POM121: variants seen among roughly 807,000 people sequenced by gnomAD.
POM121 encodes nuclear envelope pore membrane protein POM 121.
Under a neutral mutation model 81.3 loss-of-function variants are expected in POM121, and 32 were observed. The ratio of observed to expected loss-of-function variants is 0.39; its 90% CI spans 0.30 to 0.53. The LOEUF (loss-of-function observed/expected upper bound fraction) is 0.53. POM121 is among the 20% of genes least tolerant of loss of function. The probability of loss-of-function intolerance (pLI) is 0.66; values close to 1 mark genes in which losing one functional copy is unlikely to be tolerated. For synonymous variants in POM121, 514 were observed against 694.2 expected (o/e 0.74, Z 4.08); for missense variants, 1,138 against 1,614.6 (o/e 0.70, Z 5.06).
Position 72,948,295 on chromosome 7 carries a change from T to C in POM121, c.*2061T>C, listed in dbSNP as rs782361100. The C allele has an allele frequency of 3.9e-5, 61 of 1,569,182 alleles. No homozygotes were observed. Among genetic ancestry groups the C allele is most frequent in the Non-Finnish European group, 5.2e-5 (60 of 1,156,980 alleles). On this transcript the variant is annotated 3_prime_UTR_variant, in exon 13 of 13. Transcript: ENST00000434423. ...ATTAAGAATAAAAAACTGTGATCTA[T>C]CGTAGAGTACGTTCTGCATTTTATT... is the stretch of plus-strand genomic sequence containing the variant.
chr7:72,883,795 A>G (rs559164589), intron 1 of POM121, among the ~76,000 whole-genome samples: 2 of 152,212 alleles, frequency 1.3e-5, no homozygotes, highest in Non-Finnish European at 2.9e-5. Flanking sequence ...TGTGAAGTTA[A>G]GAACTATTGA....
chr7:72,933,961 ATCC>A (rs1252219879), intron 5 of POM121, among the ~76,000 whole-genome samples: 2 of 152,198 alleles, frequency 1.3e-5, no homozygotes, highest in Non-Finnish European at 2.9e-5. Context: ...ACTGTATAGT[ATCC>A]TCTATTATTC....
At chr7:72,886,552 A>G (rs1790740325) in intron 1 of POM121, among the ~76,000 whole-genome samples, 2 of 152,184 alleles carry the variant, frequency 1.3e-5, no homozygotes, top group Non-Finnish European at 2.9e-5. Context: ...TCCTTTGTGT[A>G]AATCTAAATT....
At chr7:72,933,505 A>T (rs560220390) in intron 5 of POM121, among the ~76,000 whole-genome samples, 3 of 152,332 alleles carry the variant, frequency 2.0e-5, no homozygotes, top group Admixed American at 1.3e-4. Context: ...CTCATGTTCA[A>T]GAGTTTTTCC....
rs1463016265 is a variant in POM121 at position 72,947,842 on chromosome 7, T to C, written c.*1608T>C. 62 of 985,102 alleles carry C rather than the reference T, an allele frequency of 6.3e-5. 1 individual carries two copies. Among genetic ancestry groups the C allele is most frequent in the Non-Finnish European group, 6.8e-5 (56 of 828,962 alleles). The allele number at this position is 985,102 out of a possible 1,614,324, so 61.0% of individuals were successfully genotyped here. A position where few individuals can be genotyped will look rare whatever the true frequency, so the allele number is the denominator to read the frequency against. On this transcript the variant is annotated 3_prime_UTR_variant, in exon 13 of 13. Coordinates refer to ENST00000434423, the MANE Select transcript of POM121 (RefSeq NM_001387691.1). Reference sequence around the variant, plus strand: ...AATAATGTGATGTAAATGTAACTGGTGCCCCCTCCCCGATGTGACTGAGGG... The same window carrying C: ...AATAATGTGATGTAAATGTAACTGGCGCCCCCTCCCCGATGTGACTGAGGG...
At chr7:72,919,001 G>A (rs1273523599) in intron 4 of POM121, among the ~76,000 whole-genome samples, 2 of 152,156 alleles carry the variant, frequency 1.3e-5, no homozygotes, top group East Asian at 3.9e-4. Flanking sequence ...GGGTTTCACC[G>A]TGTTAACCAG....
chr7:72,945,442 G>C lies in POM121; in HGVS notation c.3530-144G>C, dbSNP rs535625090. ...CATGAAGACTCGGTTGTCTGGCTCA[G>C]CTGCTGATGGAGGAGTGCCCCAGAA... On this transcript the variant is annotated intron_variant, in intron 11 of 12. Coordinates refer to ENST00000434423, the MANE Select transcript of POM121 (RefSeq NM_001387691.1). 9.1e-4 allele frequency: 657 copies of C among 724,302 alleles called. 2 individuals are homozygous for C. The African/African-American group carries it at 0.01, about 11-fold the overall frequency. The allele number at this position is 724,302 out of a possible 1,614,324, so 44.9% of individuals were successfully genotyped here.
intron 3 of POM121, among the ~76,000 whole-genome samples, chr7:72,899,200 G>T (rs1391184281): frequency 1.3e-5 from 2 of 151,970 alleles, no homozygotes; most frequent in Non-Finnish European, 2.9e-5. Context: ...GGTCAGGCTG[G>T]TCTCAAACTC....
chr7:72,926,211 T>C (rs1267049636), intron 1 of POM121, 51 bp from the exon 2 acceptor site: 3 of 1,511,876 alleles, frequency 2.0e-6, no homozygotes, highest in Non-Finnish European at 2.7e-6. Context: ...GTTTAAAAAT[T>C]TGACATTCTT....
chr7:72,913,010 CTCTTG>C (rs1244108945), intron 3 of POM121, among the ~76,000 whole-genome samples: 1 of 152,212 alleles, frequency 6.6e-6, no homozygotes, highest in Non-Finnish European at 1.5e-5. Flanking sequence ...CTAATTTCAT[CTCTTG>C]TCTTATCTAT....
chr7:72,879,514 G>C, exon 1 of POM121: 1 of 251,072 alleles, frequency 4.0e-6, no homozygotes, highest in Non-Finnish European at 7.9e-6. Flanking sequence ...GGGTTCGCGC[G>C]GGCCGGGTAG....
intron 1 of POM121, among the ~76,000 whole-genome samples, chr7:72,886,223 G>A (rs1295218596): frequency 1.8e-4 from 28 of 152,018 alleles, no homozygotes; most frequent in African/African-American, 4.1e-4. Context: ...CCCCAGGCTG[G>A]AGTGCAGGGG....
chr7:72,926,468 G>T lies in POM121; in HGVS notation c.851G>T (p.Arg284Leu). The change falls in exon 2 of 13, where the codon CGT (arginine) becomes CTT (leucine). Residue 284 changes from arginine (R) to leucine (L), a missense_variant. Transcript: ENST00000434423. ...GCCCCTCCTGACAGAAGATTTTCGC[G>T]TTCTGCGATGTGAGTATTATCGTTG... ...RIAPPDRRFSRSAIPEQIISS... is the reference protein window; with the variant it reads ...RIAPPDRRFSLSAIPEQIISS... 2 of 1,613,986 alleles carry T rather than the reference G, an allele frequency of 1.2e-6. No homozygotes were observed. The highest frequency in any genetic ancestry group is 8.5e-7 in the Non-Finnish European group (1 of 1,179,878).
chr7:72,900,086 G>T (rs868948241), intron 3 of POM121, among the ~76,000 whole-genome samples: 9 of 152,292 alleles, frequency 5.9e-5, no homozygotes, highest in South Asian at 2.1e-4. Context: ...GTGCCCTGTA[G>T]AATTATTTTT....
At position 72,941,935 on chromosome 7, in the gene POM121, C is replaced by T; in HGVS notation, c.1942C>T (p.Leu648Phe). The T allele has an allele frequency of 5.7e-6, 9 of 1,567,656 alleles. No individual in the cohort carries two copies. Among genetic ancestry groups the T allele is most frequent in the Admixed American group, 1.9e-5 (1 of 53,458 alleles). The change falls in exon 11 of 13, where the codon CTC becomes TTC. Residue 648 changes from leucine (L) to phenylalanine (F), a missense_variant. Coordinates refer to ENST00000434423, the MANE Select transcript of POM121 (RefSeq NM_001387691.1). ...GLSQSGPPGLLPSPSFDSKPP... is the reference protein window; with the variant it reads ...GLSQSGPPGLFPSPSFDSKPP... ...ATCACAGTCAGGGCCGCCAGGGCTG[C>T]TCCCCAGCCCCTCCTTTGACTCCAA...
At chr7:72,891,617 T>G (rs543671154) in intron 3 of POM121, among the ~76,000 whole-genome samples, 7 of 152,112 alleles carry the variant, frequency 4.6e-5, no homozygotes, top group African/African-American at 1.7e-4. Flanking sequence ...ATGTTGGCCA[T>G]GCTGGTCTTG....
At chr7:72,939,814 A>G (rs1554500384) in intron 7 of POM121, 33 bp from the exon 8 acceptor site, 3 of 1,610,916 alleles carry the variant, frequency 1.9e-6, no homozygotes, top group Non-Finnish European at 2.5e-6. Context: ...GGAAGAGGGA[A>G]GGAAGCAAAC....
At chr7:72,889,197 T>C (rs1423640555) in intron 1 of POM121, among the ~76,000 whole-genome samples, 3 of 152,198 alleles carry the variant, frequency 2.0e-5, no homozygotes, top group Admixed American at 1.3e-4. Context: ...TACTCTCTCT[T>C]GGTGATTTTA....
At chr7:72,902,538 C>CT (rs1342863735) in intron 3 of POM121, among the ~76,000 whole-genome samples, 3 of 144,958 alleles carry the variant, frequency 2.1e-5, no homozygotes, top group East Asian at 4.1e-4. Flanking sequence ...ACATTCTTTT[C>CT]TTTTTTTTGA....
Sources: gnomAD v4.1 joint callset for allele counts (sites outside exome capture counted in the v4.1 genomes callset) on GRCh38, gnomAD v4.1.1 for gene constraint, MANE v1.5 for transcripts, NCBI Gene and HGNC (gene_info 2026-07-23, HGNC 2026-07-21) for gene names.